The following RGS11 variants were observed in gnomAD, a reference collection of about 807,000 sequenced individuals.
The protein encoded by RGS11 is regulator of G protein signaling 11.
In RGS11, 86 loss-of-function variants were observed where a neutral mutation model predicts 71.1. The observed-to-expected ratio is 1.21, with a 90% CI of 1.02 to 1.45. RGS11 has a LOEUF of 1.45. Among genes scored for constraint, RGS11 ranks in the 40% most tolerant of loss-of-function variants. RGS11 has a pLI of 0.00. For missense variants in RGS11, 734 were observed against 635.1 expected (o/e 1.16, Z -1.67); for synonymous variants, 298 against 254.2 (o/e 1.17, Z -1.64).
intron 6 of RGS11, 58 bp from the exon 7 acceptor site, chr16:273,894 G>T (rs1567240032): frequency 6.5e-7 from 1 of 1,544,630 alleles, no homozygotes; most frequent in Non-Finnish European, 8.9e-7. Flanking sequence ...GTGAGACTGT[G>T]TGGGCAGTTG....
chr16:270,537 T>C lies in RGS11; in HGVS notation c.1192A>G (p.Met398Val). The C allele has an allele frequency of 1.9e-6, 3 of 1,607,686 alleles. No homozygotes were observed. Among genetic ancestry groups the C allele is most frequent in the South Asian group, 1.1e-5 (1 of 90,102 alleles). Reference protein sequence around the residue: ...VLDDAQLHIYMLMKKDSYPRF... With the variant: ...VLDDAQLHIYVLMKKDSYPRF... ...CCAGCACCCACCTTCTTCATGAGCA[T>C]GTATATGTGCAGCTGGGCGTCATCC... Residue 398 changes from methionine (M) to valine (V), a missense_variant, in exon 15 of 17, where the codon ATG (methionine) becomes GTG (valine). Coordinates refer to ENST00000397770, the MANE Select transcript of RGS11 (RefSeq NM_183337.3).
Position 274,024 on chromosome 16 carries a change from G to A in RGS11, c.429+19C>T. On this transcript the variant is annotated intron_variant, in intron 6 of 16. Transcript: ENST00000397770. ...CTCCAGCTGTACCCAGCCGGGGCGGGAAGGGTGGGGGGTCCCACCTTCTCA... is the reference window on the plus strand; with the variant it reads ...CTCCAGCTGTACCCAGCCGGGGCGGAAAGGGTGGGGGGTCCCACCTTCTCA... The A allele has an allele frequency of 4.7e-6, 7 of 1,478,160 alleles. No individual in the cohort carries two copies. Among genetic ancestry groups the A allele is most frequent in the Non-Finnish European group, 6.3e-6 (7 of 1,108,614 alleles). The allele number at this position is 1,478,160 out of a possible 1,614,324, so 91.6% of individuals were successfully genotyped here. A position where few individuals can be genotyped will look rare whatever the true frequency, so the allele number is the denominator to read the frequency against.
chr16:274,464 A>C, intron 4 of RGS11, 199 bp from the exon 5 acceptor site: 1 of 623,524 alleles, frequency 1.6e-6, no homozygotes, highest in Non-Finnish European at 2.8e-6. Flanking sequence ...CTCGCTCCTT[A>C]GGGCCCTGTT....
At chr16:275,651 C>CGGCCATGGCTG in intron 1 of RGS11, 153 bp from the exon 2 acceptor site, 1 of 128,706 alleles carries the variant, frequency 7.8e-6, no homozygotes, top group Non-Finnish European at 1.4e-5. Flanking sequence ...GCGGGGCGGG[C>CGGCCATGGCTG]CGGGGAGGGC....
intron 1 of RGS11, 85 bp downstream of exon 1, chr16:275,763 GC>G: frequency 8.4e-6 from 2 of 238,172 alleles, no homozygotes; most frequent in Non-Finnish European, 1.1e-5. Flanking sequence ...CGCCCCGCGC[GC>G]CCCCGTGTCC....
chr16:273,790 AG>A lies in RGS11; in HGVS notation c.475del (p.Leu159TrpfsTer3), dbSNP rs1387831948. The A allele has an allele frequency of 6.2e-7, 1 of 1,613,126 alleles. No individual in the cohort carries two copies. On this transcript the variant is annotated frameshift_variant, in exon 7 of 17. Coordinates refer to ENST00000397770, the MANE Select transcript of RGS11 (RefSeq NM_183337.3). LOFTEE classifies it high-confidence loss of function. ...LHKKINHAWD[L>X]VLMQAREQLR... Reference sequence around the variant, plus strand: ...CTGCTCCCTCGCCTGCATCAGCACCAGGTCCCATGCGTGGTTGATCTTCTTG... The same window carrying A: ...CTGCTCCCTCGCCTGCATCAGCACCAGTCCCATGCGTGGTTGATCTTCTTG...
intron 4 of RGS11, 92 bp downstream of exon 4, chr16:274,884 A>G (rs1166772523): frequency 2.0e-6 from 3 of 1,474,370 alleles, no homozygotes; most frequent in African/African-American, 2.9e-5. Flanking sequence ...AATCCCAGCA[A>G]GCTCGGCGCC....
At chr16:275,205 C>T in intron 3 of RGS11, 78 bp downstream of exon 3, 1 of 1,605,436 alleles carries the variant, frequency 6.2e-7, no homozygotes, top group East Asian at 2.2e-5. Context: ...GCTCTGAGAA[C>T]TGCCAGACTC....
chr16:274,590 G>A (rs919635137), intron 4 of RGS11: 18 of 597,826 alleles, frequency 3.0e-5, no homozygotes, highest in African/African-American at 2.0e-4. Context: ...GGGTACAACC[G>A]ACGGCAGGTC....
Position 269,549 on chromosome 16 carries a change from T to C in RGS11, c.1243A>G (p.Lys415Glu), listed in dbSNP as rs531692764. Residue 415 changes from lysine to glutamate, a missense_variant, in exon 16 of 17, where the codon AAG (lysine) becomes GAG (glutamate). Transcript: ENST00000397770. ...ATCCCAGCCTCTGCCAGGAGGGCCT[T>C]GTACATGTCAGACTTCAGGAACCTT... is the stretch of plus-strand genomic sequence containing the variant. ...YPRFLKSDMYKALLAEAGIPL... is the reference protein window; with the variant it reads ...YPRFLKSDMYEALLAEAGIPL... 7.4e-6 allele frequency: 12 copies of C among 1,613,470 alleles called. No homozygotes were observed. Among genetic ancestry groups the C allele is most frequent in the South Asian group, 4.4e-5 (4 of 91,090 alleles).
At position 275,036 on chromosome 16, in the gene RGS11, G is replaced by A; in HGVS notation, c.258C>T (p.Tyr86=). ...GAVLVQHGYI[Y]PLRDPRSLML... ...TGAGGCTACGGGGGTCGCGCAGCGG[G>A]TAGATGTAGCCATGCTGCACCAGGA... Residue 86 remains tyrosine, a synonymous_variant, in exon 4 of 17, where the codon TAC becomes TAT. Transcript: ENST00000397770. 1 of 1,504,342 alleles carries A rather than the reference G, an allele frequency of 6.6e-7. No homozygotes were observed. The highest frequency in any genetic ancestry group is 8.9e-7 in the Non-Finnish European group (1 of 1,123,660). The allele number at this position is 1,504,342 out of a possible 1,614,324, so 93.2% of individuals were successfully genotyped here.
chr16:271,513 C>G, intron 10 of RGS11, 27 bp downstream of exon 10: 2 of 1,614,002 alleles, frequency 1.2e-6, no homozygotes, highest in Non-Finnish European at 1.7e-6. Flanking sequence ...GCACCTGGCA[C>G]CCTCCACTCC....
intron 4 of RGS11, 170 bp downstream of exon 4, chr16:274,806 C>A: frequency 1.1e-6 from 1 of 900,260 alleles, no homozygotes; most frequent in African/African-American, 1.6e-5. Flanking sequence ...TCCGTACTTG[C>A]GGTCCAGGAC....
rs906915315 is a variant in RGS11 at position 275,648 on chromosome 16, G to A, written c.64-150C>T. ...GCAGCTGGCGGCGGGGACGCGGGGC[G>A]GGCCGGGGAGGGCCGGGGAGGGCCG... On this transcript the variant is annotated intron_variant, in intron 1 of 16. Transcript: ENST00000397770. The A allele has an allele frequency of 1.4e-4, 18 of 127,096 alleles. No individual in the cohort carries two copies. The African/African-American group carries it at 1.5e-3, about 11-fold the overall frequency. 7.9% of individuals were successfully genotyped at this position (127,096 alleles called of 1,614,324 possible).
intron 9 of RGS11, chr16:272,573 C>T: frequency 6.8e-7 from 1 of 1,462,734 alleles, no homozygotes; most frequent in Admixed American, 2.1e-5. Context: ...TCCCAGCAAA[C>T]CCTGATACTG....
In RGS11 at chr16:275,877, G is replaced by T; in HGVS notation, c.35C>A (p.Pro12His). The change falls in exon 1 of 17, where the codon CCC becomes CAC. Residue 12 changes from proline to histidine, a missense_variant. Physicochemically the swap from Pro to His is moderately conservative, Grantham distance 77. Transcript: ENST00000397770. ...CCTCAGATGCGGCATCTGCGCCCGG[G>T]GGCGGCCGGGGGGCGGCGCGGGGCC... The part of the protein sequence containing the change: ...AAGPAPPPGR[P>H]RAQMPHLRKM... 3 of 969,512 alleles carry T rather than the reference G, an allele frequency of 3.1e-6. No individual in the cohort carries two copies. The highest frequency in any genetic ancestry group is 3.8e-6 in the Non-Finnish European group (3 of 793,158). 60.1% of individuals were successfully genotyped at this position (969,512 alleles called of 1,614,324 possible).
chr16:275,647 CGGGCCGGGG>C (rs1567243067), intron 1 of RGS11, 149 bp from the exon 2 acceptor site: 3 of 563,920 alleles, frequency 5.3e-6, no homozygotes, highest in Non-Finnish European at 8.5e-6. Context: ...GGACGCGGGG[CGGGCCGGGG>C]AGGGCCGGGG....
In RGS11 at chr16:271,272, C is replaced by G. The variant is rs766417162; in HGVS notation, c.793G>C (p.Val265Leu). 6.2e-7 allele frequency: 1 copy of G among 1,612,956 alleles called. No homozygotes were observed. Among genetic ancestry groups the G allele is most frequent in the South Asian group, 1.1e-5 (1 of 91,088 alleles). The change falls in exon 12 of 17, where the codon GTG becomes CTG. Residue 265 changes from valine to leucine, a missense_variant. Transcript: ENST00000397770. Reference sequence around the variant, plus strand: ...GGATTGCTGGGCAGGCACCCCGACACGAGGGGATCGTGGGGTCCACGCTGG... The same window carrying G: ...GGATTGCTGGGCAGGCACCCCGACAGGAGGGGATCGTGGGGTCCACGCTGG... ...CGQRGPHDPL[V>L]SGCLPSNPWI...
intron 8 of RGS11, 87 bp from the exon 9 acceptor site, chr16:273,018 G>T (rs2052006652): frequency 4.8e-6 from 6 of 1,242,564 alleles, no homozygotes; most frequent in Non-Finnish European, 6.5e-6. Flanking sequence ...AGACCCCCAT[G>T]TGGAAACTGA....
Sources: gnomAD v4.1 joint callset for allele counts on GRCh38, gnomAD v4.1.1 for gene constraint, MANE v1.5 for transcripts, NCBI Gene and HGNC (gene_info 2026-07-23, HGNC 2026-07-21) for gene names.